The following PPARGC1B variants were observed in gnomAD, a reference collection of about 807,000 sequenced individuals.
PPARGC1B encodes peroxisome proliferator-activated receptor gamma coactivator 1-beta.
In PPARGC1B, 34 loss-of-function variants were observed where a neutral mutation model predicts 101.6. The ratio of observed to expected loss-of-function variants is 0.33; its 90% confidence interval spans 0.25 to 0.45. PPARGC1B has a LOEUF of 0.45. PPARGC1B is among the 20% of genes least tolerant of loss of function. The probability of loss-of-function intolerance (pLI) is 1.00; values close to 1 mark genes in which losing one functional copy is unlikely to be tolerated. For synonymous variants in PPARGC1B, 548 were observed against 539.3 expected (o/e 1.02, Z -0.22); for missense variants, 1,234 against 1,317.6 (o/e 0.94, Z 0.98).
At chr5:149,739,263 A>C (rs1754829601) in intron 1 of PPARGC1B, among the ~76,000 whole-genome samples, 1 of 152,226 alleles carries the variant, frequency 6.6e-6, no homozygotes, top group South Asian at 2.1e-4. Flanking sequence ...ACGTCATTTC[A>C]TCTGTGACTA....
Position 149,765,818 on chromosome 5 carries a change from G to T in PPARGC1B, c.78+35398G>T, listed in dbSNP as rs551254297. Among the ~76,000 whole-genome samples the T allele has an allele frequency of 1.1e-4, 16 of 141,988 alleles. No homozygotes were observed. The South Asian group carries it at 2.9e-3, about 25-fold the overall frequency. 93.1% of individuals were successfully genotyped at this position (141,988 alleles called of 152,430 possible). On this transcript the variant is annotated intron_variant, in intron 1 of 11. Transcript: ENST00000309241. ...GGAGCTTGCAGTGAGCTGAGATCGCGCCATTGCACTTCAGCCTGGGTGACA... is the reference window on the plus strand; with the variant it reads ...GGAGCTTGCAGTGAGCTGAGATCGCTCCATTGCACTTCAGCCTGGGTGACA...
chr5:149,847,808 G>A lies in PPARGC1B; in HGVS notation c.*250G>A, dbSNP rs1759627600. On this transcript the variant is annotated 3_prime_UTR_variant, in exon 12 of 12. Transcript: ENST00000309241. ...CCACATTAGTGTCCTCGCTTCCAACGGGTTGTCCCGGGTGCACCTCGAAGT... is the reference window on the plus strand; with the variant it reads ...CCACATTAGTGTCCTCGCTTCCAACAGGTTGTCCCGGGTGCACCTCGAAGT... 8.1e-6 allele frequency: 4 copies of A among 495,834 alleles called. No homozygotes were observed. Among genetic ancestry groups the A allele is most frequent in the East Asian group, 3.3e-5 (1 of 30,190 alleles). 30.7% of individuals were successfully genotyped at this position (495,834 alleles called of 1,614,324 possible). A position where few individuals can be genotyped will look rare whatever the true frequency, so the allele number is the denominator to read the frequency against.
In PPARGC1B at chr5:149,850,075, G is replaced by A. The variant is rs1351192769; in HGVS notation, c.*2517G>A. On this transcript the variant is annotated 3_prime_UTR_variant, in exon 12 of 12. Transcript: ENST00000309241. ...CACTAGATTCCAAGTCTGGAGAGTT[G>A]GGGGAGTCCAGATTCTACCAAGAAT... The A allele has an allele frequency of 2.6e-5, 4 of 152,226 alleles. No individual in the cohort carries two copies. Among genetic ancestry groups the A allele is most frequent in the Non-Finnish European group, 4.4e-5 (3 of 68,048 alleles). 9.4% of individuals were successfully genotyped at this position (152,226 alleles called of 1,614,324 possible).
At chr5:149,735,708 A>G (rs760972587) in intron 1 of PPARGC1B, among the ~76,000 whole-genome samples, 1 of 152,246 alleles carries the variant, frequency 6.6e-6, no homozygotes, top group Non-Finnish European at 1.5e-5. Context: ...AAGAGCCAGC[A>G]TTAGTGGGCA....
chr5:149,790,172 C>G (rs549370440), intron 1 of PPARGC1B, among the ~76,000 whole-genome samples: 6 of 152,208 alleles, frequency 3.9e-5, no homozygotes, highest in Non-Finnish European at 7.4e-5. Context: ...TGGTAATGTA[C>G]TAAATACTCA....
intron 8 of PPARGC1B, among the ~76,000 whole-genome samples, chr5:149,838,241 T>C (rs1222142656): frequency 2.0e-5 from 3 of 152,188 alleles, no homozygotes; most frequent in African/African-American, 4.8e-5. Context: ...TATTAAAATG[T>C]GCATACACAT....
intron 1 of PPARGC1B, among the ~76,000 whole-genome samples, chr5:149,749,896 T>C (rs1386579437): frequency 1.3e-5 from 2 of 152,130 alleles, no homozygotes; most frequent in East Asian, 1.9e-4. Context: ...TAAATTCTGC[T>C]TGGAGCTGAA....
At chr5:149,835,445 A>G in intron 7 of PPARGC1B, 80 bp downstream of exon 7, 2 of 1,287,594 alleles carry the variant, frequency 1.6e-6, no homozygotes, top group Non-Finnish European at 2.3e-6. Flanking sequence ...TGCATGGGCA[A>G]GGTGCCACGC....
chr5:149,785,850 A>G (rs2113238247), intron 1 of PPARGC1B, among the ~76,000 whole-genome samples: 1 of 152,066 alleles, frequency 6.6e-6, no homozygotes, highest in Non-Finnish European at 1.5e-5. Flanking sequence ...AAGCTGCCCA[A>G]GGGTCCAGGA....
chr5:149,747,461 T>TG (rs1375993370), intron 1 of PPARGC1B, among the ~76,000 whole-genome samples: 1 of 152,208 alleles, frequency 6.6e-6, no homozygotes, highest in Non-Finnish European at 1.5e-5. Flanking sequence ...AGGGTGAGTG[T>TG]GGGGCTTGGG....
At chr5:149,761,628 A>G (rs1306825011) in intron 1 of PPARGC1B, 1 of 152,260 alleles carries the variant, frequency 6.6e-6, no homozygotes, top group Non-Finnish European at 1.5e-5. Context: ...TACATATAAC[A>G]GAATATTATG....
At chr5:149,826,614 G>A in intron 2 of PPARGC1B, 59 bp from the exon 3 acceptor site, 1 of 1,334,252 alleles carries the variant, frequency 7.5e-7, no homozygotes, top group Non-Finnish European at 1.1e-6. Context: ...CTGAGTCTAA[G>A]GTGGTGACTA....
At chr5:149,843,191 T>G (rs910667507) in intron 10 of PPARGC1B, among the ~76,000 whole-genome samples, 51 of 152,120 alleles carry the variant, frequency 3.4e-4, no homozygotes, top group African/African-American at 1.2e-3. Flanking sequence ...TTTGTTCTAC[T>G]AGGCAGCCCT....
intron 1 of PPARGC1B, among the ~76,000 whole-genome samples, chr5:149,761,257 A>G (rs540171366): frequency 6.6e-6 from 1 of 152,262 alleles, no homozygotes; most frequent in East Asian, 1.9e-4. Flanking sequence ...GCTTGTGTGT[A>G]TGTGTCTGTG....
chr5:149,811,332 T>C (rs1481137306), intron 1 of PPARGC1B, among the ~76,000 whole-genome samples: 1 of 152,232 alleles, frequency 6.6e-6, no homozygotes, highest in Admixed American at 6.5e-5. Context: ...TCTTTTACCA[T>C]GAACTCATTC....
chr5:149,774,758 C>T (rs993487944), intron 1 of PPARGC1B, among the ~76,000 whole-genome samples: 3 of 152,070 alleles, frequency 2.0e-5, no homozygotes, highest in Non-Finnish European at 4.4e-5. Context: ...TGGCCCTATA[C>T]TGACTTGCAG....
chr5:149,802,055 C>G (rs1757447479), intron 1 of PPARGC1B, among the ~76,000 whole-genome samples: 1 of 152,188 alleles, frequency 6.6e-6, no homozygotes, highest in African/African-American at 2.4e-5. Context: ...CCGCCCCGTC[C>G]CTGACCCCCG....
chr5:149,796,852 G>A (rs981814282), intron 1 of PPARGC1B, among the ~76,000 whole-genome samples: 37 of 152,188 alleles, frequency 2.4e-4, no homozygotes, highest in African/African-American at 8.9e-4. Flanking sequence ...ATCTAAGGAG[G>A]AGATGCTGAT....
intron 1 of PPARGC1B, among the ~76,000 whole-genome samples, chr5:149,756,444 T>C (rs992163379): frequency 3.9e-5 from 6 of 152,066 alleles, no homozygotes; most frequent in African/African-American, 1.4e-4. Flanking sequence ...AGGGCAAGAC[T>C]CCATCTCAAA....
Sources: gnomAD v4.1 joint callset for allele counts (sites outside exome capture counted in the v4.1 genomes callset) on GRCh38, gnomAD v4.1.1 for gene constraint, MANE v1.5 for transcripts, NCBI Gene and HGNC (gene_info 2026-07-23, HGNC 2026-07-21) for gene names.